Variants in EHMT1 observed in about 807,000 individuals in gnomAD.
EHMT1 encodes the protein histone-lysine N-methyltransferase EHMT1.
In EHMT1, 15 loss-of-function variants were observed where a neutral mutation model predicts 147.2. The observed-to-expected ratio is 0.10, with a 90% CI of 0.07 to 0.16. The LOEUF (loss-of-function observed/expected upper bound fraction) is 0.16. Among genes scored for constraint, EHMT1 ranks in the 10% least tolerant of loss-of-function variants. The pLI, the probability that EHMT1 is intolerant of heterozygous loss-of-function variation, is 1.00. For missense variants in EHMT1, 1,587 were observed against 1,772.4 expected (o/e 0.90, Z 1.88); for synonymous variants, 795 against 709.6 (o/e 1.12, Z -1.91).
At position 137,814,520 on chromosome 9, in the gene EHMT1, C is replaced by T; in HGVS notation, c.3258+12C>T. 1 of 1,603,706 alleles carries T rather than the reference C, an allele frequency of 6.2e-7. No homozygotes were observed. The highest frequency in any genetic ancestry group is 1.3e-5 in the African/African-American group (1 of 75,046). ...GCTGGTACGACAAGGTGAGGGCGGCCTCGTGTGCGTGGGCTCAGGTGGTAA... is the reference window on the plus strand; with the variant it reads ...GCTGGTACGACAAGGTGAGGGCGGCTTCGTGTGCGTGGGCTCAGGTGGTAA... On this transcript the variant is annotated intron_variant, in intron 22 of 26. Transcript: ENST00000460843.
chr9:137,710,550 CCTTATTGAATTTT>C (rs1367991473), intron 1 of EHMT1, among the ~76,000 whole-genome samples: 3 of 137,990 alleles, frequency 2.2e-5, no homozygotes, highest in Non-Finnish European at 4.6e-5. Flanking sequence ...GATTTAAGTT[CCTTATTGAATTTT>C]CTTGATTTAT....
At chr9:137,811,344 G>C (rs11789631) in intron 18 of EHMT1, 117 bp from the exon 19 acceptor site, 1 of 1,434,158 alleles carries the variant, frequency 7.0e-7, no homozygotes, top group Non-Finnish European at 9.6e-7. Flanking sequence ...TGCTGCGGAC[G>C]GCCACGCATG....
At position 137,733,307 on chromosome 9, in the gene EHMT1, C is replaced by T. The variant is rs927747357; in HGVS notation, c.823+4778C>T. 5.3e-5 allele frequency among the ~76,000 whole-genome samples: 8 copies of T among 152,320 alleles called. No homozygotes were observed. In the East Asian group the frequency reaches 9.6e-4, roughly 18 times the overall value. ...CTGGCATCTTTGTTAGCAGCTTGTT[C>T]TGTATCTTTCCCACGTGTAGCGGTT... On this transcript the variant is annotated intron_variant, in intron 4 of 26. Coordinates refer to ENST00000460843, the MANE Select transcript of EHMT1 (RefSeq NM_024757.5).
intron 25 of EHMT1, 95 bp downstream of exon 25, chr9:137,818,233 T>G: frequency 7.2e-7 from 1 of 1,391,152 alleles, no homozygotes; most frequent in East Asian, 2.3e-5. Flanking sequence ...AGAAGAGAGC[T>G]CTTACTGTTG....
chr9:137,799,833 C>T (rs551669138), intron 17 of EHMT1, among the ~76,000 whole-genome samples: 9 of 152,326 alleles, frequency 5.9e-5, no homozygotes, highest in Admixed American at 2.0e-4. Context: ...TTGCCCTGAG[C>T]GCCCAGAGGT....
intron 23 of EHMT1, chr9:137,816,949 A>C (rs1954967161): frequency 2.3e-5 from 5 of 213,060 alleles, no homozygotes; most frequent in African/African-American, 4.7e-5. Context: ...CTACCCGGCC[A>C]CCCTCCCCCA....
At chr9:137,700,574 TC>T (rs765395490) in intron 1 of EHMT1, among the ~76,000 whole-genome samples, 1 of 152,198 alleles carries the variant, frequency 6.6e-6, no homozygotes, top group Non-Finnish European at 1.5e-5. Flanking sequence ...TCCGCTGTTC[TC>T]CTTTCTCAAA....
At chr9:137,646,592 G>T (rs1015233065) in intron 1 of EHMT1, among the ~76,000 whole-genome samples, 1 of 150,456 alleles carries the variant, frequency 6.6e-6, no homozygotes, top group African/African-American at 2.4e-5. Flanking sequence ...TGGTCTGGGG[G>T]AGGCCCACGT....
intron 1 of EHMT1, among the ~76,000 whole-genome samples, chr9:137,698,483 A>G (rs1306523138): frequency 2.6e-5 from 4 of 152,234 alleles, no homozygotes; most frequent in Non-Finnish European, 5.9e-5. Context: ...GCCTAACACC[A>G]GGTATCGCTG....
chr9:137,682,407 A>G (rs981390001), intron 1 of EHMT1, among the ~76,000 whole-genome samples: 2 of 152,102 alleles, frequency 1.3e-5, no homozygotes, highest in African/African-American at 4.8e-5. Flanking sequence ...TTTGATGGAA[A>G]ATTTATGATT....
chr9:137,825,284 C>T (rs1317481617), intron 25 of EHMT1, among the ~76,000 whole-genome samples: 8 of 152,224 alleles, frequency 5.3e-5, no homozygotes, highest in Non-Finnish European at 8.8e-5. Context: ...CCTTAGAATT[C>T]TACATGTGTG....
At chr9:137,660,297 C>T (rs2134068243) in intron 1 of EHMT1, among the ~76,000 whole-genome samples, 1 of 152,230 alleles carries the variant, frequency 6.6e-6, no homozygotes, top group Admixed American at 6.5e-5. Flanking sequence ...GATTGCACCA[C>T]TGCCCTCTAG....
chr9:137,707,665 A>G (rs1021682604), intron 1 of EHMT1, among the ~76,000 whole-genome samples: 2 of 152,272 alleles, frequency 1.3e-5, no homozygotes, highest in Admixed American at 6.5e-5. Flanking sequence ...AGTGTGTTAC[A>G]TAGCATTCTT....
chr9:137,795,453 A>T (rs1952859069), intron 16 of EHMT1, among the ~76,000 whole-genome samples: 1 of 145,142 alleles, frequency 6.9e-6, no homozygotes, highest in African/African-American at 2.5e-5. Flanking sequence ...ACACACACAG[A>T]CACACACACA....
chr9:137,795,751 G>C (rs1323990493), intron 16 of EHMT1, among the ~76,000 whole-genome samples: 3 of 152,180 alleles, frequency 2.0e-5, no homozygotes, highest in Non-Finnish European at 2.9e-5. Flanking sequence ...CAGTGTGAAA[G>C]TGGAATCACA....
chr9:137,631,869 C>A (rs1482864251), intron 1 of EHMT1, among the ~76,000 whole-genome samples: 4 of 152,056 alleles, frequency 2.6e-5, no homozygotes, highest in Non-Finnish European at 1.5e-5. Context: ...CAGAGTGAGA[C>A]CCTGTCTCAA....
intron 10 of EHMT1, among the ~76,000 whole-genome samples, chr9:137,772,036 C>T (rs1427317635): frequency 2.0e-5 from 3 of 151,734 alleles, no homozygotes; most frequent in African/African-American, 4.9e-5. Context: ...AGCCTGTGGG[C>T]CCTGCAGAGC....
chr9:137,786,195 T>C lies in EHMT1; in HGVS notation c.2382+3798T>C, dbSNP rs1454284170. On this transcript the variant is annotated intron_variant, in intron 15 of 26. Transcript: ENST00000460843. The surrounding 1 kb of genome is among the most constrained non-coding windows in gnomAD (Gnocchi z 4.3). ...TATTGGGAGGAAATCATTATGTCCC[T>C]TGGTGCTGCTGTCCATGCAGTGCCC... 2 of 152,272 alleles carry C rather than the reference T, an allele frequency of 1.3e-5. No homozygotes were observed. The highest frequency in any genetic ancestry group is 2.9e-5 in the Non-Finnish European group (2 of 68,064). 9.4% of individuals were successfully genotyped at this position (152,272 alleles called of 1,614,324 possible). A position where few individuals can be genotyped will look rare whatever the true frequency, so the allele number is the denominator to read the frequency against.
chr9:137,825,732 A>G (rs1236016159), intron 25 of EHMT1, among the ~76,000 whole-genome samples: 1 of 152,178 alleles, frequency 6.6e-6, no homozygotes, highest in Non-Finnish European at 1.5e-5. Context: ...TATTAAGTGT[A>G]ATGATATGTG....
Sources: gnomAD v4.1 joint callset for allele counts (sites outside exome capture counted in the v4.1 genomes callset) on GRCh38, gnomAD v4.1.1 for gene constraint, Gnocchi (gnomAD v3.1) non-coding constraint, MANE v1.5 for transcripts, NCBI Gene and HGNC (gene_info 2026-07-23, HGNC 2026-07-21) for gene names.